The following RAB3GAP2 variants were observed in gnomAD, a reference collection of about 807,000 sequenced individuals.
RAB3GAP2 encodes rab3 GTPase-activating protein non-catalytic subunit.
RAB3GAP2 carries 87 observed loss-of-function variants against 185.3 expected under a neutral mutation model. The ratio of observed to expected loss-of-function variants is 0.47; its 90% CI spans 0.39 to 0.56. RAB3GAP2 has a LOEUF of 0.56. RAB3GAP2 is among the 20% of genes least tolerant of loss of function. The pLI is 0.00. For synonymous variants in RAB3GAP2, 554 were observed against 576.1 expected, an observed-to-expected ratio of 0.96 and a Z score of 0.55; for missense variants, 1,492 against 1,638.2, an observed-to-expected ratio of 0.91 and a Z score of 1.54.
intron 1 of RAB3GAP2, among the ~76,000 whole-genome samples, chr1:220,250,194 AG>A (rs891212969): frequency 4.6e-5 from 7 of 152,140 alleles, no homozygotes; most frequent in African/African-American, 9.7e-5. Flanking sequence ...GCAAAGCCAC[AG>A]GGGGGGAGCT....
chr1:220,209,977 G>GA (rs1558156624), intron 7 of RAB3GAP2, among the ~76,000 whole-genome samples: 1 of 152,100 alleles, frequency 6.6e-6, no homozygotes. Context: ...CCTTTTCTGA[G>GA]AAACAGTTAA....
chr1:220,197,721 G>T (rs1281385642), intron 9 of RAB3GAP2, among the ~76,000 whole-genome samples: 1 of 152,074 alleles, frequency 6.6e-6, no homozygotes, highest in Non-Finnish European at 1.5e-5. Flanking sequence ...CAATATACAT[G>T]GGAGTATAAA....
At chr1:220,177,982 A>C (rs367717336) in intron 21 of RAB3GAP2, among the ~76,000 whole-genome samples, 1 of 152,202 alleles carries the variant, frequency 6.6e-6, no homozygotes, top group African/African-American at 2.4e-5. Context: ...AACTCAGACA[A>C]GAATACTCCA....
chr1:220,163,346 T>G (rs940555931), intron 27 of RAB3GAP2, among the ~76,000 whole-genome samples: 1 of 151,804 alleles, frequency 6.6e-6, no homozygotes, highest in African/African-American at 2.4e-5. Flanking sequence ...AATACTAGTC[T>G]GAAGTCAGTT....
chr1:220,171,074 G>T lies in RAB3GAP2; in HGVS notation c.2624C>A (p.Ser875Tyr). Residue 875 changes from serine (S) to tyrosine (Y), a missense_variant, in exon 24 of 35, where the codon TCC becomes TAC. Transcript: ENST00000358951. Reference protein sequence around the residue: ...LGADSEALTDSWEALSLDTEY... With the variant: ...LGADSEALTDYWEALSLDTEY... ...AGTGTCAAGAGAAAGTGCCTCCCAG[G>T]AATCAGTGAGGGCCTCTGAATCAGC... 1 of 1,614,148 alleles carries T rather than the reference G, an allele frequency of 6.2e-7. No homozygotes were observed. Among genetic ancestry groups the T allele is most frequent in the South Asian group, 1.1e-5 (1 of 91,078 alleles).
chr1:220,177,239 C>A (rs1658309117), intron 21 of RAB3GAP2, among the ~76,000 whole-genome samples: 1 of 152,216 alleles, frequency 6.6e-6, no homozygotes, highest in African/African-American at 2.4e-5. Context: ...AGACCTGCAG[C>A]AAGCCTGGGC....
At chr1:220,218,881 A>G (rs1187994133) in intron 2 of RAB3GAP2, among the ~76,000 whole-genome samples, 3 of 152,300 alleles carry the variant, frequency 2.0e-5, no homozygotes, top group Non-Finnish European at 4.4e-5. Flanking sequence ...TCCTGGTCAC[A>G]TGTAATTCTA....
chr1:220,175,953 G>C (rs1658280106), intron 21 of RAB3GAP2, among the ~76,000 whole-genome samples: 1 of 152,020 alleles, frequency 6.6e-6, no homozygotes, highest in Non-Finnish European at 1.5e-5. Flanking sequence ...GGATGCCAAA[G>C]AAACTATCAG....
At chr1:220,169,125 G>A (rs1658126951) in intron 24 of RAB3GAP2, among the ~76,000 whole-genome samples, 1 of 152,126 alleles carries the variant, frequency 6.6e-6, no homozygotes, top group Non-Finnish European at 1.5e-5. Flanking sequence ...CTTTCACTAG[G>A]TGGCAACATG....
intron 1 of RAB3GAP2, among the ~76,000 whole-genome samples, chr1:220,253,207 A>C (rs1303687144): frequency 6.6e-6 from 1 of 151,926 alleles, no homozygotes; most frequent in Non-Finnish European, 1.5e-5. Flanking sequence ...ACTGGGTGGG[A>C]CCTCCCAACA....
In RAB3GAP2 at chr1:220,182,875, TAA is replaced by T; in HGVS notation, c.2053_2054del (p.Leu685ThrfsTer5). The part of the protein sequence containing the change: ...DEKELLKLQA[L>X]LEKYKQENTR... The stretch of plus-strand genomic sequence containing the variant: ...TGTTCTCTTGCTTATATTTCTCTAG[TAA>T]TGCCTGGAGCTTAAGCAGTTCTTTT... On this transcript the variant is annotated frameshift_variant, in exon 20 of 35. Coordinates refer to ENST00000358951, the MANE Select transcript of RAB3GAP2 (RefSeq NM_012414.4). LOFTEE classifies it high-confidence loss of function. 6.2e-7 allele frequency: 1 copy of T among 1,613,606 alleles called. No individual in the cohort carries two copies. Among genetic ancestry groups the T allele is most frequent in the Non-Finnish European group, 8.5e-7 (1 of 1,179,758 alleles).
At chr1:220,235,480 A>G (rs1207181936) in intron 1 of RAB3GAP2, among the ~76,000 whole-genome samples, 3 of 152,230 alleles carry the variant, frequency 2.0e-5, no homozygotes, top group African/African-American at 7.2e-5. Flanking sequence ...AATAATGTAT[A>G]TATCAAATTA....
intron 2 of RAB3GAP2, among the ~76,000 whole-genome samples, chr1:220,214,919 T>G (rs565194966): frequency 7.7e-6 from 1 of 130,314 alleles, no homozygotes; most frequent in South Asian, 2.5e-4. Context: ...ACCCTTTTCC[T>G]CCCTTTTTCT....
At chr1:220,233,754 A>G (rs1183168046) in intron 1 of RAB3GAP2, among the ~76,000 whole-genome samples, 2 of 152,028 alleles carry the variant, frequency 1.3e-5, no homozygotes, top group Admixed American at 6.6e-5. Flanking sequence ...AGGCTAGAGT[A>G]CAATAGCGCA....
chr1:220,228,148 G>C (rs1292003697), intron 2 of RAB3GAP2, among the ~76,000 whole-genome samples: 1 of 152,130 alleles, frequency 6.6e-6, no homozygotes, highest in Non-Finnish European at 1.5e-5. Context: ...CTTTAATGTG[G>C]ATAAGACTCA....
chr1:220,237,822 A>G (rs1659621874), intron 1 of RAB3GAP2, among the ~76,000 whole-genome samples: 1 of 152,142 alleles, frequency 6.6e-6, no homozygotes, highest in African/African-American at 2.4e-5. Context: ...AGCACTGTCT[A>G]ATAGAAATAT....
rs1443826826 is a variant in RAB3GAP2, at chr1:220,246,480, T to C, written c.116-13617A>G. Among the ~76,000 whole-genome samples the C allele has an allele frequency of 4.7e-5, 6 of 126,370 alleles. 1 individual carries two copies. Among genetic ancestry groups the C allele is most frequent in the African/African-American group, 6.5e-5 (2 of 30,590 alleles). 82.9% of individuals were successfully genotyped at this position (126,370 alleles called of 152,430 possible). A position where few individuals can be genotyped will look rare whatever the true frequency, so the allele number is the denominator to read the frequency against. ...AAAGACACATGCACACGTATGTTTA[T>C]TGTGGCATTATTCACAATAGCAAAG... On this transcript the variant is annotated intron_variant, in intron 1 of 34. Coordinates refer to ENST00000358951, the MANE Select transcript of RAB3GAP2 (RefSeq NM_012414.4).
intron 33 of RAB3GAP2, 80 bp from the exon 34 acceptor site, chr1:220,151,844 A>G: frequency 7.1e-7 from 1 of 1,412,608 alleles, no homozygotes; most frequent in South Asian, 1.2e-5. Flanking sequence ...TTGCCAGTGA[A>G]GAGATTCTAG....
At chr1:220,268,945 A>T (rs866431327) in intron 1 of RAB3GAP2, among the ~76,000 whole-genome samples, 2 of 152,198 alleles carry the variant, frequency 1.3e-5, no homozygotes, top group African/African-American at 4.8e-5. Flanking sequence ...ATTAACTTGA[A>T]TTTTAAAAAT....
Sources: gnomAD v4.1 joint callset for allele counts (sites outside exome capture counted in the v4.1 genomes callset) on GRCh38, gnomAD v4.1.1 for gene constraint, MANE v1.5 for transcripts, NCBI Gene and HGNC (gene_info 2026-07-23, HGNC 2026-07-21) for gene names.